Variants in CD44 observed in about 807,000 individuals in gnomAD.
The protein encoded by CD44 is CD44 molecule (IN blood group), also known as CD44 antigen.
CD44 carries 49 observed loss-of-function variants against 88.8 expected under a neutral mutation model. The observed-to-expected ratio is 0.55, with a 90% confidence interval of 0.44 to 0.70. The LOEUF (loss-of-function observed/expected upper bound fraction) is 0.70. Among genes scored for constraint, CD44 ranks in the 30% least tolerant of loss-of-function variants. The pLI is 0.00. For missense variants in CD44, 883 were observed against 913.8 expected (o/e 0.97, Z 0.43); for synonymous variants, 325 against 312.3 (o/e 1.04, Z -0.43).
chr11:35,144,370 T>C (rs1858667314), intron 1 of CD44, among the ~76,000 whole-genome samples: 1 of 152,158 alleles, frequency 6.6e-6, no homozygotes, highest in African/African-American at 2.4e-5. Context: ...TCAAAGGGGA[T>C]CTTTTTCTGC....
At chr11:35,164,051 T>C (rs1039270343) in intron 1 of CD44, among the ~76,000 whole-genome samples, 2 of 152,028 alleles carry the variant, frequency 1.3e-5, no homozygotes. Context: ...ACACAGTAGG[T>C]ACTCTATTAG....
chr11:35,162,531 G>C (rs1156636493), intron 1 of CD44, among the ~76,000 whole-genome samples: 4 of 152,206 alleles, frequency 2.6e-5, no homozygotes. Context: ...TCCAAACCCT[G>C]TGACTTGAGT....
chr11:35,189,482 C>T (rs1017287864), intron 4 of CD44, among the ~76,000 whole-genome samples: 10 of 152,212 alleles, frequency 6.6e-5, no homozygotes, highest in African/African-American at 2.4e-4. Context: ...TGAGCATCCA[C>T]TGTATTTTGA....
chr11:35,195,165 G>A (rs1946616456), intron 5 of CD44, among the ~76,000 whole-genome samples: 1 of 152,202 alleles, frequency 6.6e-6, no homozygotes, highest in South Asian at 2.1e-4. Context: ...TTCAAGGCCT[G>A]TAAATATGGG....
At chr11:35,184,695 C>T (rs893019534) in intron 3 of CD44, among the ~76,000 whole-genome samples, 4 of 152,290 alleles carry the variant, frequency 2.6e-5, no homozygotes, top group Non-Finnish European at 4.4e-5. Flanking sequence ...GAAACATGCT[C>T]ATCTTCTTTT....
chr11:35,206,802 G>A (rs1245608638), intron 11 of CD44, among the ~76,000 whole-genome samples: 5 of 152,150 alleles, frequency 3.3e-5, no homozygotes, highest in Non-Finnish European at 7.3e-5. Flanking sequence ...CTAGGCAGGG[G>A]CCATTATGTT....
intron 2 of CD44, 136 bp downstream of exon 2, chr11:35,176,876 C>A: frequency 2.6e-6 from 2 of 783,078 alleles, no homozygotes; most frequent in Non-Finnish European, 4.0e-6. Context: ...TTAATTTGGC[C>A]AAGTCAATCT....
intron 1 of CD44, among the ~76,000 whole-genome samples, chr11:35,169,051 A>G (rs1349367083): frequency 1.3e-5 from 2 of 152,222 alleles, no homozygotes; most frequent in Non-Finnish European, 1.5e-5. Context: ...AATTCTCAGC[A>G]AACACCAGCT....
Position 35,164,416 on chromosome 11 carries a change from G to A in CD44, c.68-12159G>A, listed in dbSNP as rs7938147. Among the ~76,000 whole-genome samples, 1,318 of 152,300 alleles carry A rather than the reference G, an allele frequency of 8.7e-3. 17 individuals are homozygous for A. The highest frequency in any genetic ancestry group is 0.03 in the African/African-American group (1,247 of 41,558). On this transcript the variant is annotated intron_variant, in intron 1 of 17. Transcript: ENST00000428726. Reference sequence around the variant, plus strand: ...ATAGACTACAATCTGACACAAATTAGCAGCTCCATACATTGCAGAATCTTT... The same window carrying A: ...ATAGACTACAATCTGACACAAATTAACAGCTCCATACATTGCAGAATCTTT...
intron 11 of CD44, among the ~76,000 whole-genome samples, chr11:35,206,670 G>GGGC (rs1554971934): frequency 7.0e-6 from 1 of 142,428 alleles, no homozygotes; most frequent in African/African-American, 2.7e-5. Flanking sequence ...GGGGGTTGGT[G>GGGC]GGGGGGGCAG....
chr11:35,208,753 C>T (rs1045920612), intron 12 of CD44, among the ~76,000 whole-genome samples: 1 of 152,158 alleles, frequency 6.6e-6, no homozygotes, highest in South Asian at 2.1e-4. Flanking sequence ...CTTTCTATCA[C>T]TAAGAAATGT....
chr11:35,188,547 AGT>A, intron 4 of CD44, among the ~76,000 whole-genome samples: 1 of 152,168 alleles, frequency 6.6e-6, no homozygotes, highest in East Asian at 1.9e-4. Context: ...GACATGTAAG[AGT>A]GTGGTCAACA....
At chr11:35,227,157 T>C (rs1336078593) in intron 17 of CD44, among the ~76,000 whole-genome samples, 1 of 152,012 alleles carries the variant, frequency 6.6e-6, no homozygotes, top group African/African-American at 2.4e-5. Flanking sequence ...TCCCAAGTGT[T>C]GGGATTACAG....
intron 7 of CD44, among the ~76,000 whole-genome samples, chr11:35,199,934 G>GTTTTTTTTTTTTTTTTTTTTTT (rs60509735): frequency 1.1e-5 from 1 of 90,882 alleles, no homozygotes; most frequent in Non-Finnish European, 2.1e-5. Flanking sequence ...CCATGGTGTT[G>GTTTTTTTTTTTTTTTTTTTTTT]TTTTTTTTTT....
At chr11:35,144,786 A>G (rs975841452) in intron 1 of CD44, among the ~76,000 whole-genome samples, 2 of 152,260 alleles carry the variant, frequency 1.3e-5, no homozygotes, top group African/African-American at 4.8e-5. Context: ...TTTTCCACAA[A>G]TAAATACATG....
intron 9 of CD44, 35 bp downstream of exon 9, chr11:35,201,822 A>G (rs192949996): frequency 4.2e-5 from 67 of 1,608,678 alleles, no homozygotes; most frequent in Non-Finnish European, 5.4e-5. Flanking sequence ...TCTGGGTTAG[A>G]TGAATTAGTA....
chr11:35,166,300 G>A (rs1943255774), intron 1 of CD44, among the ~76,000 whole-genome samples: 1 of 152,096 alleles, frequency 6.6e-6, no homozygotes, highest in South Asian at 2.1e-4. Flanking sequence ...AGACTACTTG[G>A]TGTTACAGAA....
chr11:35,164,679 C>G (rs1178957044), intron 1 of CD44, among the ~76,000 whole-genome samples: 1 of 152,210 alleles, frequency 6.6e-6, no homozygotes, highest in Non-Finnish European at 1.5e-5. Flanking sequence ...GGATTGGAAA[C>G]TCAAACTTTG....
Position 35,208,067 on chromosome 11 carries a change from G to A in CD44, c.1415-38G>A, listed in dbSNP as rs780272823. The stretch of plus-strand genomic sequence containing the variant: ...ATAAGCCACCTTCAGGTAGTGGTTT[G>A]GGAAATCAAGCAATAACACTAATAT... On this transcript the variant is annotated intron_variant, in intron 11 of 17. Transcript: ENST00000428726. 1.3e-5 allele frequency: 17 copies of A among 1,269,838 alleles called. No individual in the cohort carries two copies. In the South Asian group the frequency reaches 1.6e-4, roughly 12 times the overall value. The allele number at this position is 1,269,838 out of a possible 1,614,324, so 78.7% of individuals were successfully genotyped here. A position where few individuals can be genotyped will look rare whatever the true frequency, so the allele number is the denominator to read the frequency against.
Sources: gnomAD v4.1 joint callset for allele counts (sites outside exome capture counted in the v4.1 genomes callset) on GRCh38, gnomAD v4.1.1 for gene constraint, MANE v1.5 for transcripts, NCBI Gene and HGNC (gene_info 2026-07-23, HGNC 2026-07-21) for gene names.